The following HSD17B2 variants were observed in gnomAD, a reference collection of about 807,000 sequenced individuals.
HSD17B2 encodes the protein 17-beta-hydroxysteroid dehydrogenase type 2.
Under a neutral mutation model 26.9 loss-of-function variants are expected in HSD17B2, and 32 were observed. That is an observed-to-expected ratio of 1.19 (90% confidence interval 0.90 to 1.60). The LOEUF (loss-of-function observed/expected upper bound fraction) is 1.60. HSD17B2 is among the 40% of genes most tolerant of loss of function. HSD17B2 has a pLI of 0.00. For synonymous variants in HSD17B2, 246 were observed against 186.7 expected (o/e 1.32, Z -2.59); for missense variants, 613 against 468.6 (o/e 1.31, Z -2.85).
intron 3 of HSD17B2, among the ~76,000 whole-genome samples, chr16:82,073,449 C>G (rs1914743517): frequency 6.6e-6 from 1 of 152,052 alleles, no homozygotes; most frequent in African/African-American, 2.4e-5. Context: ...AGATCTCGAT[C>G]TCCCGACCTC....
At chr16:82,046,164 C>T (rs909681911) in intron 1 of HSD17B2, among the ~76,000 whole-genome samples, 4 of 152,178 alleles carry the variant, frequency 2.6e-5, no homozygotes, top group East Asian at 1.9e-4. Context: ...CTACTATGCA[C>T]GCTCGAGATA....
At chr16:82,074,188 C>T (rs1267855224) in intron 3 of HSD17B2, among the ~76,000 whole-genome samples, 1 of 152,180 alleles carries the variant, frequency 6.6e-6, no homozygotes, top group East Asian at 1.9e-4. Flanking sequence ...TCTTTCTGCC[C>T]TAGTCTTTTG....
At chr16:82,090,467 C>T (rs1163201808) in intron 3 of HSD17B2, among the ~76,000 whole-genome samples, 2 of 151,810 alleles carry the variant, frequency 1.3e-5, no homozygotes, top group Admixed American at 6.6e-5. Context: ...TACAGGCATG[C>T]GCCACCACGC....
At position 82,054,268 on chromosome 16, in the gene HSD17B2, A is replaced by C. The variant is rs187407309; in HGVS notation, c.266-13902A>C. ...CCATGCACATAGATCAGATGAAAGTAATACGCTTTCCAGAAAATTCAGGGC... is the reference window on the plus strand; with the variant it reads ...CCATGCACATAGATCAGATGAAAGTCATACGCTTTCCAGAAAATTCAGGGC... On this transcript the variant is annotated intron_variant, in intron 1 of 4. Transcript: ENST00000199936. Among the ~76,000 whole-genome samples the C allele has an allele frequency of 2.0e-3, 297 of 152,288 alleles. 1 individual carries two copies. The highest frequency in any genetic ancestry group is 2.8e-3 in the Non-Finnish European group (190 of 68,016).
chr16:82,043,863 A>G (rs556510961), intron 1 of HSD17B2, among the ~76,000 whole-genome samples: 1 of 152,298 alleles, frequency 6.6e-6, no homozygotes, highest in Non-Finnish European at 1.5e-5. Flanking sequence ...TCATTTTTAT[A>G]CAATGCTAAT....
intron 3 of HSD17B2, among the ~76,000 whole-genome samples, chr16:82,088,874 C>T (rs529767511): frequency 6.6e-5 from 10 of 152,148 alleles, no homozygotes; most frequent in Non-Finnish European, 1.0e-4. Flanking sequence ...AGTTAGCTTA[C>T]ACCAAAAATG....
chr16:82,088,045 G>A (rs1904579366), intron 3 of HSD17B2, among the ~76,000 whole-genome samples: 1 of 152,182 alleles, frequency 6.6e-6, no homozygotes, highest in Non-Finnish European at 1.5e-5. Context: ...CCATAAGGCA[G>A]TGCATTATCA....
chr16:82,089,713 G>A (rs1343434344), intron 3 of HSD17B2, among the ~76,000 whole-genome samples: 1 of 152,166 alleles, frequency 6.6e-6, no homozygotes, highest in Admixed American at 6.5e-5. Flanking sequence ...GGTGGCCCTA[G>A]GTGTGCCTTG....
intron 1 of HSD17B2, among the ~76,000 whole-genome samples, chr16:82,059,469 G>A (rs1189651732): frequency 1.3e-5 from 2 of 152,188 alleles, no homozygotes; most frequent in Admixed American, 6.5e-5. Flanking sequence ...TGTTGCCAGT[G>A]GATACCGACC....
At chr16:82,041,844 G>A (rs530195148) in intron 1 of HSD17B2, among the ~76,000 whole-genome samples, 6 of 152,220 alleles carry the variant, frequency 3.9e-5, no homozygotes, top group African/African-American at 1.4e-4. Flanking sequence ...TCTCCTCTGA[G>A]AGAGGACTGG....
At chr16:82,039,965 G>T (rs932553230) in intron 1 of HSD17B2, among the ~76,000 whole-genome samples, 3 of 152,160 alleles carry the variant, frequency 2.0e-5, no homozygotes, top group Admixed American at 1.3e-4. Context: ...AAAAAAGAGG[G>T]ACCTCGTTAA....
At chr16:82,053,199 G>A (rs1437018752) in intron 1 of HSD17B2, among the ~76,000 whole-genome samples, 2 of 152,140 alleles carry the variant, frequency 1.3e-5, no homozygotes, top group Non-Finnish European at 2.9e-5. Flanking sequence ...TTGGCTGCAT[G>A]GCAAATGCAG....
intron 1 of HSD17B2, among the ~76,000 whole-genome samples, chr16:82,057,428 A>T (rs1421963435): frequency 6.6e-6 from 1 of 151,940 alleles, no homozygotes; most frequent in African/African-American, 2.4e-5. Context: ...CGATTTCCTG[A>T]CCTCGTGATC....
chr16:82,089,660 C>T (rs4889457), intron 3 of HSD17B2, among the ~76,000 whole-genome samples: 1,960 of 152,282 alleles, frequency 0.013, 17 homozygotes, highest in Non-Finnish European at 0.019. Flanking sequence ...TGCTCCTTCT[C>T]GAGGCTCTGG....
rs139802414 is a variant in HSD17B2, at chr16:82,074,192, T to G, written c.664+3065T>G. ...GGACCCTGACTTCTTTCTGCCCTAG[T>G]CTTTTGAGTTTCAGATCTTTGAGTC... On this transcript the variant is annotated intron_variant, in intron 3 of 4. Transcript: ENST00000199936. 2.1e-3 allele frequency among the ~76,000 whole-genome samples: 323 copies of G among 152,304 alleles called. 2 individuals carry two copies. The highest frequency in any genetic ancestry group is 7.1e-3 in the African/African-American group (294 of 41,576).
At chr16:82,066,173 C>T (rs1194109535) in intron 1 of HSD17B2, among the ~76,000 whole-genome samples, 1 of 152,244 alleles carries the variant, frequency 6.6e-6, no homozygotes, top group African/African-American at 2.4e-5. Context: ...ATGGTCCAGA[C>T]ACTTGCATGT....
chr16:82,053,006 T>G (rs953364365), intron 1 of HSD17B2, among the ~76,000 whole-genome samples: 14 of 152,224 alleles, frequency 9.2e-5, no homozygotes, highest in African/African-American at 3.4e-4. Flanking sequence ...CCAGCCCCTC[T>G]TGGGGGCCCC....
At chr16:82,068,017 C>T (rs1555532390) in intron 1 of HSD17B2, among the ~76,000 whole-genome samples, 153 bp from the exon 2 acceptor site, 1 of 152,190 alleles carries the variant, frequency 6.6e-6, no homozygotes, top group South Asian at 2.1e-4. Flanking sequence ...TCTCCTCCCA[C>T]CTCTCCACTT....
At chr16:82,097,376 C>CACACAG (rs1182613632) in intron 4 of HSD17B2, 1 of 103,754 alleles carries the variant, frequency 9.6e-6, no homozygotes, top group African/African-American at 3.0e-5. Flanking sequence ...CACACACACA[C>CACACAG]AGACACATAT....
Sources: allele counts gnomAD v4.1 joint callset (sites outside exome capture counted in the v4.1 genomes callset), GRCh38; gene constraint gnomAD v4.1.1; transcripts MANE v1.5; gene names NCBI Gene and HGNC (gene_info 2026-07-23, HGNC 2026-07-21).